The following FGF12 variants were observed in gnomAD, a reference collection of about 807,000 sequenced individuals.
FGF12 encodes the protein fibroblast growth factor 12, also known as fibroblast growth factor 12B.
FGF12 carries 14 observed loss-of-function variants against 23.6 expected under a neutral mutation model. The ratio of observed to expected loss-of-function variants is 0.59; its 90% CI spans 0.39 to 0.93. The LOEUF (loss-of-function observed/expected upper bound fraction) is 0.93. Ranked by LOEUF, FGF12 falls within the 40% of genes least tolerant of loss-of-function variation. The probability of loss-of-function intolerance (pLI) is 0.00; values close to 1 mark genes in which losing one functional copy is unlikely to be tolerated. For missense variants in FGF12, 175 were observed against 217.8 expected (o/e 0.80, Z 1.24); for synonymous variants, 62 against 77.3 (o/e 0.80, Z 1.04).
intron 2 of FGF12, among the ~76,000 whole-genome samples, chr3:192,625,373 T>C: frequency 6.6e-6 from 1 of 152,270 alleles, no homozygotes; most frequent in East Asian, 1.9e-4. Context: ...GATTTAAAAA[T>C]GGTATATTGA....
chr3:192,584,990 G>A (rs1317895310), intron 2 of FGF12, among the ~76,000 whole-genome samples: 1 of 150,694 alleles, frequency 6.6e-6, no homozygotes, highest in African/African-American at 2.5e-5. Context: ...CCAGTGAATT[G>A]GTTAAAGACA....
At chr3:192,359,152 T>C (rs2108731162) in intron 3 of FGF12, among the ~76,000 whole-genome samples, 1 of 152,236 alleles carries the variant, frequency 6.6e-6, no homozygotes, top group East Asian at 1.9e-4. Flanking sequence ...AATCAGCCAA[T>C]CAACAACTTA....
In FGF12 at chr3:192,727,181, C is replaced by T. The variant is rs1272983213; in HGVS notation, c.13G>A (p.Glu5Lys). 1.3e-6 allele frequency: 2 copies of T among 1,580,186 alleles called. No individual in the cohort carries two copies. Among genetic ancestry groups the T allele is most frequent in the Non-Finnish European group, 1.7e-6 (2 of 1,162,876 alleles). The change falls in exon 2 of 6, where the codon GAA (glutamate) becomes AAA (lysine). Residue 5 changes from glutamate (E) to lysine (K), a missense_variant and splice_region_variant. Glu to Lys is a moderately conservative substitution (Grantham distance 56). Coordinates refer to ENST00000445105, the MANE Select transcript of FGF12 (RefSeq NM_004113.6). ...TCCCCCGATAGGGACAACCACATAC[C>T]TTTGCTCTCCATTTCGGTCCCTTTC... MESK[E>K]PQLKGIVTRL... is the part of the protein sequence containing the mutation.
At chr3:192,434,822 T>A (rs1316886902) in intron 2 of FGF12, among the ~76,000 whole-genome samples, 1 of 151,880 alleles carries the variant, frequency 6.6e-6, no homozygotes, top group Non-Finnish European at 1.5e-5. Context: ...ACCCCTATGA[T>A]CAGGATATTA....
chr3:192,171,882 C>T (rs1399753910), intron 4 of FGF12, among the ~76,000 whole-genome samples: 5 of 151,970 alleles, frequency 3.3e-5, no homozygotes, highest in Non-Finnish European at 7.4e-5. Context: ...AGTGCTCTCT[C>T]TCTCTCTTTC....
At chr3:192,606,322 G>A (rs1714335235) in intron 2 of FGF12, among the ~76,000 whole-genome samples, 1 of 152,002 alleles carries the variant, frequency 6.6e-6, no homozygotes, top group Admixed American at 6.6e-5. Context: ...CTAAACATTG[G>A]GTGCTCATGG....
intron 4 of FGF12, among the ~76,000 whole-genome samples, chr3:192,317,005 A>G (rs142805454): frequency 0.011 from 1,622 of 152,164 alleles, 21 homozygotes; most frequent in Middle Eastern, 0.055. Flanking sequence ...AAGGAACCCA[A>G]TGCCTTGAAG....
chr3:192,439,930 C>T (rs773203503), intron 2 of FGF12, among the ~76,000 whole-genome samples: 2 of 149,534 alleles, frequency 1.3e-5, no homozygotes, highest in South Asian at 2.1e-4. Flanking sequence ...GAGCTGAGAT[C>T]GCGCCACTGC....
rs74998193 is a variant in FGF12 at position 192,464,995 on chromosome 3, A to G, written c.14-104457T>C. Among the ~76,000 whole-genome samples the G allele has an allele frequency of 7.2e-3, 1,102 of 152,306 alleles. 10 individuals carry two copies. The highest frequency in any genetic ancestry group is 0.026 in the African/African-American group (1,063 of 41,564). On this transcript the variant is annotated intron_variant, in intron 2 of 5. Transcript: ENST00000445105. ...CCCAAATATCCCGTGCTTTCTTATTACAGATCATGTATGTTTTAATTAATA... is the reference window on the plus strand; with the variant it reads ...CCCAAATATCCCGTGCTTTCTTATTGCAGATCATGTATGTTTTAATTAATA...
intron 4 of FGF12, among the ~76,000 whole-genome samples, chr3:192,228,837 CT>C (rs1718870387): frequency 6.6e-6 from 1 of 152,086 alleles, no homozygotes. Context: ...TTCCGTACAA[CT>C]TTTAATACTG....
intron 4 of FGF12, among the ~76,000 whole-genome samples, chr3:192,304,530 A>T (rs1715516517): frequency 6.6e-6 from 1 of 152,088 alleles, no homozygotes; most frequent in African/African-American, 2.4e-5. Flanking sequence ...AGACCAGGAA[A>T]TTTTTTTAAA....
intron 4 of FGF12, among the ~76,000 whole-genome samples, chr3:192,191,195 G>C (rs1195739776): frequency 6.6e-6 from 1 of 152,136 alleles, no homozygotes; most frequent in East Asian, 1.9e-4. Flanking sequence ...ACAATAGAAA[G>C]ATCAGTGGTG....
chr3:192,210,733 C>A lies in FGF12; in HGVS notation c.229-40077G>T, dbSNP rs559905778. The stretch of plus-strand genomic sequence containing the variant: ...TACCATCGCGGAGCTTATATTCTAA[C>A]GAGAGTAGAAGAGAGAGACAGTCAT... On this transcript the variant is annotated intron_variant, in intron 4 of 5. Coordinates refer to ENST00000445105, the MANE Select transcript of FGF12 (RefSeq NM_004113.6). 8.6e-4 allele frequency among the ~76,000 whole-genome samples: 131 copies of A among 152,050 alleles called. 2 individuals carry two copies. The East Asian group carries it at 0.024, about 27-fold the overall frequency.
chr3:192,673,895 G>GGT (rs1308811411), intron 2 of FGF12, among the ~76,000 whole-genome samples: 1 of 150,372 alleles, frequency 6.7e-6, no homozygotes, highest in African/African-American at 2.4e-5. Context: ...ATTTCCTTTG[G>GGT]GTATATACCC....
At position 192,588,955 on chromosome 3, in the gene FGF12, A is replaced by C. The variant is rs969077350; in HGVS notation, c.13+138226T>G. Among the ~76,000 whole-genome samples the C allele has an allele frequency of 1.3e-4, 20 of 151,976 alleles. 1 individual carries two copies. On this transcript the variant is annotated intron_variant, in intron 2 of 5. Coordinates refer to ENST00000445105, the MANE Select transcript of FGF12 (RefSeq NM_004113.6). ...TCTTGAGCTCCATAACAGAATACTC[A>C]AGTGCTGAGACTAATAGGGATGTGT...
chr3:192,328,772 A>C (rs1204261216), intron 4 of FGF12, among the ~76,000 whole-genome samples: 1 of 152,224 alleles, frequency 6.6e-6, no homozygotes, highest in Non-Finnish European at 1.5e-5. Context: ...ACAGCTAACT[A>C]ATTATGATTA....
chr3:192,370,769 G>A (rs1719191697), intron 2 of FGF12, among the ~76,000 whole-genome samples: 1 of 152,162 alleles, frequency 6.6e-6, no homozygotes, highest in Non-Finnish European at 1.5e-5. Flanking sequence ...CAATGGGGAT[G>A]GAAAAAGCTG....
intron 2 of FGF12, among the ~76,000 whole-genome samples, chr3:192,464,351 T>G (rs1344527440): frequency 6.8e-6 from 1 of 147,624 alleles, no homozygotes; most frequent in Non-Finnish European, 1.5e-5. Context: ...TACATCCGCA[T>G]AGCTTAGTTC....
chr3:192,548,861 T>C lies in FGF12; in HGVS notation c.13+178320A>G, dbSNP rs1725561231. On this transcript the variant is annotated intron_variant, in intron 2 of 5. Coordinates refer to ENST00000445105, the MANE Select transcript of FGF12 (RefSeq NM_004113.6). ...CCTAAAAAATGGAAAGGAAAGCTGATTCCATAACTAATCTACAGTTGTTCC... is the reference window on the plus strand; with the variant it reads ...CCTAAAAAATGGAAAGGAAAGCTGACTCCATAACTAATCTACAGTTGTTCC... 2.6e-5 allele frequency among the ~76,000 whole-genome samples: 4 copies of C among 152,176 alleles called. No homozygotes were observed. In the South Asian group the frequency reaches 8.3e-4, roughly 32 times the overall value.
Sources: gnomAD v4.1 joint callset for allele counts (sites outside exome capture counted in the v4.1 genomes callset) on GRCh38, gnomAD v4.1.1 for gene constraint, MANE v1.5 for transcripts, NCBI Gene and HGNC (gene_info 2026-07-23, HGNC 2026-07-21) for gene names.